Variants in MAJIN observed in about 807,000 individuals in gnomAD.
MAJIN encodes the protein membrane-anchored junction protein.
A neutral mutation model predicts 30.2 loss-of-function variants in MAJIN; 27 were observed. That is an observed-to-expected ratio of 0.89 (90% confidence interval 0.66 to 1.23). The LOEUF is 1.23. MAJIN is among the 50% of genes most tolerant of loss of function. MAJIN has a pLI of 0.00. For missense variants in MAJIN, 253 were observed against 260.3 expected, an observed-to-expected ratio of 0.97 and a Z score of 0.19; for synonymous variants, 78 against 91.6, an observed-to-expected ratio of 0.85 and a Z score of 0.85.
intron 1 of MAJIN, among the ~76,000 whole-genome samples, chr11:64,960,919 A>C (rs1343106696): frequency 6.6e-6 from 1 of 152,184 alleles, no homozygotes; most frequent in Non-Finnish European, 1.5e-5. Context: ...GACTATTTAG[A>C]CTAGAATTGC....
chr11:64,959,093 C>CAAA (rs34562472), intron 3 of MAJIN, among the ~76,000 whole-genome samples: 1 of 53,526 alleles, frequency 1.9e-5, no homozygotes. Context: ...TGCTTCTCTT[C>CAAA]AAAAAAAAAA....
chr11:64,964,854 G>T (rs545806255), intron 1 of MAJIN, among the ~76,000 whole-genome samples: 1 of 152,174 alleles, frequency 6.6e-6, no homozygotes, highest in Non-Finnish European at 1.5e-5. Context: ...CCAAAGTGCT[G>T]GCATTACAGG....
At chr11:64,970,006 A>G (rs1464048304) in intron 1 of MAJIN, among the ~76,000 whole-genome samples, 1 of 152,118 alleles carries the variant, frequency 6.6e-6, no homozygotes, top group African/African-American at 2.4e-5. Flanking sequence ...GAGATTCTAG[A>G]TAAGACTGCT....
chr11:64,969,175 A>G (rs563036852), intron 1 of MAJIN, among the ~76,000 whole-genome samples: 2 of 152,074 alleles, frequency 1.3e-5, no homozygotes, highest in East Asian at 3.9e-4. Flanking sequence ...GGTGGGAGGG[A>G]GCAGTGAAAA....
intron 1 of MAJIN, among the ~76,000 whole-genome samples, chr11:64,962,572 C>G (rs1183897212): frequency 6.6e-6 from 1 of 152,100 alleles, no homozygotes; most frequent in East Asian, 1.9e-4. Context: ...TGGGATAGTG[C>G]AAAAGACATA....
chr11:64,954,252 T>C, intron 4 of MAJIN: 1 of 236,710 alleles, frequency 4.2e-6, no homozygotes, highest in South Asian at 5.2e-5. Flanking sequence ...TGCTCAGTCT[T>C]CTTCTGTAGG....
intron 8 of MAJIN, among the ~76,000 whole-genome samples, chr11:64,942,587 A>AAGCT (rs1347559417): frequency 6.6e-6 from 1 of 152,162 alleles, no homozygotes; most frequent in Non-Finnish European, 1.5e-5. Flanking sequence ...GTCTCTAGAA[A>AAGCT]AGCTAGGACT....
At chr11:64,965,029 T>C (rs1401965300) in intron 1 of MAJIN, among the ~76,000 whole-genome samples, 1 of 152,220 alleles carries the variant, frequency 6.6e-6, no homozygotes, top group South Asian at 2.1e-4. Context: ...AAATAATGCA[T>C]GTATAATTGT....
intron 1 of MAJIN, among the ~76,000 whole-genome samples, chr11:64,965,047 A>ATG (rs1485903688): frequency 9.2e-5 from 14 of 152,234 alleles, no homozygotes; most frequent in Non-Finnish European, 1.8e-4. Flanking sequence ...TGTTTTTTCT[A>ATG]GTACTTAGTA....
chr11:64,968,223 A>C (rs1381985881), intron 1 of MAJIN, among the ~76,000 whole-genome samples: 2 of 152,076 alleles, frequency 1.3e-5, no homozygotes, highest in South Asian at 2.1e-4. Context: ...GGATTTTATA[A>C]AGGGGAGATA....
intron 6 of MAJIN, among the ~76,000 whole-genome samples, chr11:64,948,027 T>C (rs920757966): frequency 6.6e-6 from 1 of 151,750 alleles, no homozygotes; most frequent in African/African-American, 2.4e-5. Flanking sequence ...ACCTGGCTAA[T>C]TTTTGTATTT....
intron 6 of MAJIN, among the ~76,000 whole-genome samples, chr11:64,948,802 G>A (rs1368945179): frequency 6.8e-5 from 10 of 147,518 alleles, no homozygotes; most frequent in Non-Finnish European, 1.2e-4. Flanking sequence ...GATTAGAGGC[G>A]CACACCACCA....
intron 1 of MAJIN, among the ~76,000 whole-genome samples, chr11:64,961,467 A>ATTTTTT (rs36053356): frequency 1.5e-4 from 9 of 59,152 alleles, no homozygotes; most frequent in East Asian, 5.1e-4. Context: ...GTGCCCGGCA[A>ATTTTTT]TTTTTTTTTT....
intron 1 of MAJIN, among the ~76,000 whole-genome samples, chr11:64,969,628 T>C (rs1945866127): frequency 6.6e-6 from 1 of 151,278 alleles, no homozygotes; most frequent in East Asian, 1.9e-4. Context: ...GTGATAAAAG[T>C]GAAGATGACA....
intron 1 of MAJIN, among the ~76,000 whole-genome samples, chr11:64,968,864 C>G (rs1459576765): frequency 6.6e-6 from 1 of 151,166 alleles, no homozygotes; most frequent in Non-Finnish European, 1.5e-5. Flanking sequence ...AGCCACCAAG[C>G]TTGGTCCAAA....
chr11:64,958,684 T>G (rs1399171719), intron 3 of MAJIN, among the ~76,000 whole-genome samples: 2 of 151,758 alleles, frequency 1.3e-5, no homozygotes, highest in East Asian at 3.9e-4. Flanking sequence ...AGTCTCACTC[T>G]GTGGCCCAGG....
chr11:64,938,645 G>A, intron 10 of MAJIN, 72 bp from the exon 11 acceptor site: 1 of 1,473,494 alleles, frequency 6.8e-7, no homozygotes, highest in Non-Finnish European at 9.2e-7. Flanking sequence ...TCCCATTAGT[G>A]CTTCACTAGC....
At chr11:64,948,640 T>TATATA (rs869204077) in intron 6 of MAJIN, among the ~76,000 whole-genome samples, 5 of 7,538 alleles carry the variant, frequency 6.6e-4, no homozygotes, top group Admixed American at 2.5e-3. Flanking sequence ...TATATATATA[T>TATATA]TTTTTTTTTT....
rs574494649 is a variant in MAJIN at position 64,963,504 on chromosome 11, T to C, written c.-64-3369A>G. Reference sequence around the variant, plus strand: ...TGACAACTGATAAAGTCTTTCACAGTGTTGAGAAATAAAAGAGCTTCCATA... The same window carrying C: ...TGACAACTGATAAAGTCTTTCACAGCGTTGAGAAATAAAAGAGCTTCCATA... On this transcript the variant is annotated intron_variant, in intron 1 of 10. Coordinates refer to ENST00000301896, the MANE Select transcript of MAJIN (RefSeq NM_001037225.3). Among the ~76,000 whole-genome samples the C allele has an allele frequency of 3.0e-4, 46 of 152,262 alleles. 1 individual carries two copies. In the South Asian group the frequency reaches 9.5e-3, roughly 32 times the overall value.
Sources: gnomAD v4.1 joint callset for allele counts (sites outside exome capture counted in the v4.1 genomes callset) on GRCh38, gnomAD v4.1.1 for gene constraint, MANE v1.5 for transcripts, NCBI Gene and HGNC (gene_info 2026-07-23, HGNC 2026-07-21) for gene names.